Variants in EP400 observed in about 807,000 individuals in gnomAD.
EP400 encodes E1A-binding protein p400.
Under a neutral mutation model 354.1 loss-of-function variants are expected in EP400, and 105 were observed. The observed-to-expected ratio is 0.30, with a 90% CI of 0.25 to 0.35. The LOEUF is 0.35. Ranked by LOEUF, EP400 falls within the 10% of genes least tolerant of loss-of-function variation. The pLI, the probability that EP400 is intolerant of heterozygous loss-of-function variation, is 1.00. For synonymous variants in EP400, 1,646 were observed against 1,716.9 expected (o/e 0.96, Z 1.02); for missense variants, 3,280 against 4,121.0 (o/e 0.80, Z 5.59).
rs1166677663 is a variant in EP400 at position 132,052,699 on chromosome 12, T to C, written c.7395-447T>C. 1.3e-5 allele frequency among the ~76,000 whole-genome samples: 2 copies of C among 151,866 alleles called. No individual in the cohort carries two copies. Among genetic ancestry groups the C allele is most frequent in the Non-Finnish European group, 2.9e-5 (2 of 67,988 alleles). On this transcript the variant is annotated intron_variant, in intron 41 of 52. Transcript: ENST00000389561. The surrounding 1 kb of genome is among the most constrained non-coding windows in gnomAD (Gnocchi z 4.4). ...AGTTAATTCACCCTACTAATATTTA[T>C]GGACCGCGGGCCTGCGCGGCGTGGA... is the stretch of plus-strand genomic sequence containing the variant.
chr12:131,985,726 G>C (rs921155714), intron 5 of EP400, among the ~76,000 whole-genome samples: 6 of 152,194 alleles, frequency 3.9e-5, no homozygotes, highest in African/African-American at 1.4e-4. Flanking sequence ...TCCTGCTTCA[G>C]CCTCCCGAGT....
chr12:131,951,602 C>T (rs1482787167), intron 1 of EP400, among the ~76,000 whole-genome samples: 1 of 152,006 alleles, frequency 6.6e-6, no homozygotes, highest in Non-Finnish European at 1.5e-5. Flanking sequence ...TGTAATTATT[C>T]TTTTTATTGT....
chr12:132,020,213 CA>C lies in EP400; in HGVS notation c.4446del (p.Ala1483GlnfsTer85). ...GCCACGTTCTCTGCCAATCCGGAGG[CA>C]AAAGGTAGACTTCACGTAGTTGTCT... ...PIATFSANPE[A>X]KAAAAPFQTS... On this transcript the variant is annotated frameshift_variant, in exon 22 of 53. Transcript: ENST00000389561. LOFTEE classifies it high-confidence loss of function. The C allele has an allele frequency of 6.2e-7, 1 of 1,601,006 alleles. No individual in the cohort carries two copies. The highest frequency in any genetic ancestry group is 1.1e-5 in the South Asian group (1 of 88,794).
At chr12:131,954,645 A>C (rs777312449) in intron 1 of EP400, among the ~76,000 whole-genome samples, 2 of 149,808 alleles carry the variant, frequency 1.3e-5, no homozygotes, top group Non-Finnish European at 3.0e-5. Context: ...GAATCGCTTG[A>C]ACCCGGGAGG....
chr12:131,950,904 T>C (rs1891452524), intron 1 of EP400, among the ~76,000 whole-genome samples: 1 of 150,622 alleles, frequency 6.6e-6, no homozygotes, highest in South Asian at 2.1e-4. Context: ...TATTTTGTTT[T>C]GTTATTTTCT....
At chr12:132,047,646 TCACAGGAC>T (rs1237910689) in intron 39 of EP400, among the ~76,000 whole-genome samples, 5 of 152,188 alleles carry the variant, frequency 3.3e-5, no homozygotes, top group Non-Finnish European at 4.4e-5. Flanking sequence ...CAGGGCGAGA[TCACAGGAC>T]CACAGGACCA....
At chr12:132,000,424 A>G (rs1279817019) in intron 12 of EP400, among the ~76,000 whole-genome samples, 2 of 152,216 alleles carry the variant, frequency 1.3e-5, no homozygotes, top group Non-Finnish European at 2.9e-5. Flanking sequence ...TTAAAACAAC[A>G]TGCATTCATC....
intron 15 of EP400, among the ~76,000 whole-genome samples, chr12:132,008,881 A>C (rs1465035111): frequency 6.7e-6 from 1 of 149,480 alleles, no homozygotes; most frequent in East Asian, 2.0e-4. Context: ...CAGCCTCCCA[A>C]AGTGCTGGGA....
intron 51 of EP400, among the ~76,000 whole-genome samples, chr12:132,073,926 T>TG (rs1896145463): frequency 1.6e-5 from 2 of 127,036 alleles, no homozygotes; most frequent in Admixed American, 7.6e-5. Context: ...GGGGTTTTTT[T>TG]TTTTTTTTTT....
intron 1 of EP400, among the ~76,000 whole-genome samples, chr12:131,957,436 T>A (rs1435807418): frequency 6.6e-6 from 1 of 151,604 alleles, no homozygotes; most frequent in Non-Finnish European, 1.5e-5. Flanking sequence ...ATTTAGTAAA[T>A]ACTCACTTTT....
chr12:131,999,031 G>A (rs1434693494), intron 12 of EP400, among the ~76,000 whole-genome samples: 1 of 151,596 alleles, frequency 6.6e-6, no homozygotes. Context: ...TTTCAGTAAA[G>A]TGTTGAGTTC....
rs368365311 is a variant in EP400, at chr12:131,982,112, G to A, written c.1563G>A (p.Pro521=). The part of the protein sequence containing the change: ...PTAQGGMPPT[P]QAAQLAGQRQ... Reference sequence around the variant, plus strand: ...TTGCAGGAGGAATGCCCCCCACGCCGCAGGCCGCGCAGCTCGCTGGACAGA... The same window carrying A: ...TTGCAGGAGGAATGCCCCCCACGCCACAGGCCGCGCAGCTCGCTGGACAGA... The change falls in exon 5 of 53, where the codon CCG becomes CCA. Residue 521 remains proline, a synonymous_variant. Coordinates refer to ENST00000389561, the MANE Select transcript of EP400 (RefSeq NM_015409.5). 14 of 1,523,670 alleles carry A rather than the reference G, an allele frequency of 9.2e-6. No homozygotes were observed. Among genetic ancestry groups the A allele is most frequent in the South Asian group, 2.5e-5 (2 of 79,360 alleles). The allele number at this position is 1,523,670 out of a possible 1,614,324, so 94.4% of individuals were successfully genotyped here. A position where few individuals can be genotyped will look rare whatever the true frequency, so the allele number is the denominator to read the frequency against.
chr12:132,025,160 G>T lies in EP400; in HGVS notation c.4856-486G>T, dbSNP rs577748331. Among the ~76,000 whole-genome samples the T allele has an allele frequency of 6.6e-6, 1 of 152,164 alleles. No individual in the cohort carries two copies. The highest frequency in any genetic ancestry group is 1.9e-4 in the East Asian group (1 of 5,180). Reference sequence around the variant, plus strand: ...TGGCCGCCGGTTTATTCATAGAGATGACCTGGGAAACTATCTTCTCCAGAG... The same window carrying T: ...TGGCCGCCGGTTTATTCATAGAGATTACCTGGGAAACTATCTTCTCCAGAG... On this transcript the variant is annotated intron_variant, in intron 24 of 52. Coordinates refer to ENST00000389561, the MANE Select transcript of EP400 (RefSeq NM_015409.5). This position sits in a 1 kb window ranked among gnomAD's most constrained non-coding sequence, Gnocchi z 4.1.
chr12:132,057,109 T>G (rs1293225527), intron 45 of EP400, among the ~76,000 whole-genome samples: 1 of 152,188 alleles, frequency 6.6e-6, no homozygotes, highest in Non-Finnish European at 1.5e-5. Flanking sequence ...TAAAACAGTT[T>G]CTTATAAAAC....
chr12:132,074,659 CTG>C (rs1217220286), intron 51 of EP400, among the ~76,000 whole-genome samples: 1 of 152,218 alleles, frequency 6.6e-6, no homozygotes, highest in African/African-American at 2.4e-5. Flanking sequence ...TTTGTATTTT[CTG>C]TGTCTTTGTC....
At chr12:132,026,847 T>G (rs1402107119) in intron 25 of EP400, among the ~76,000 whole-genome samples, 1 of 152,226 alleles carries the variant, frequency 6.6e-6, no homozygotes, top group Non-Finnish European at 1.5e-5. Flanking sequence ...AGACACCTCT[T>G]TGACCACATC....
intron 13 of EP400, among the ~76,000 whole-genome samples, chr12:132,005,648 G>C (rs1893554578): frequency 6.6e-6 from 1 of 152,144 alleles, no homozygotes; most frequent in South Asian, 2.1e-4. Context: ...CAGGAGCCTT[G>C]GGGAGGTCAG....
chr12:131,987,983 CTTTTTTTTTTTTT>C (rs778740521), intron 7 of EP400, 93 bp downstream of exon 7: 2,974 of 268,774 alleles, frequency 0.011, 70 homozygotes, highest in African/African-American at 0.081. Context: ...TCCAGACCCA[CTTTTTTTTTTTTT>C]TTTTTTTTTT....
chr12:131,992,403 A>G (rs1230575267), intron 11 of EP400, among the ~76,000 whole-genome samples, 173 bp downstream of exon 11: 2 of 152,100 alleles, frequency 1.3e-5, no homozygotes, highest in Non-Finnish European at 2.9e-5. Flanking sequence ...TCTCTAGAGG[A>G]CTTGGGATGT....
Sources: gnomAD v4.1 joint callset for allele counts (sites outside exome capture counted in the v4.1 genomes callset) on GRCh38, gnomAD v4.1.1 for gene constraint, Gnocchi (gnomAD v3.1) non-coding constraint, MANE v1.5 for transcripts, NCBI Gene and HGNC (gene_info 2026-07-23, HGNC 2026-07-21) for gene names.